Variants in SPATA16 observed in about 807,000 individuals in gnomAD.
SPATA16 encodes spermatogenesis-associated protein 16.
Under a neutral mutation model 63.3 loss-of-function variants are expected in SPATA16, and 36 were observed. The ratio of observed to expected loss-of-function variants is 0.57; its 90% confidence interval spans 0.44 to 0.75. The LOEUF (loss-of-function observed/expected upper bound fraction) is 0.75, where lower values mean the gene tolerates loss of function less well. Ranked by LOEUF, SPATA16 falls within the 30% of genes least tolerant of loss-of-function variation. The pLI is 0.00. For synonymous variants in SPATA16, 203 were observed against 216.7 expected (o/e 0.94, Z 0.56); for missense variants, 646 against 679.3 (o/e 0.95, Z 0.54).
chr3:173,028,013 C>CCTTCTTT (rs1735498225), intron 3 of SPATA16, among the ~76,000 whole-genome samples: 52 of 35,056 alleles, frequency 1.5e-3, no homozygotes, highest in African/African-American at 9.7e-3. Flanking sequence ...CTCCCTCCCT[C>CCTTCTTT]CCTTCCTTCT....
At chr3:172,958,989 G>A (rs9852563) in intron 5 of SPATA16, among the ~76,000 whole-genome samples, 85,785 of 151,856 alleles carry the variant, frequency 0.56, 24,425 homozygotes, top group Admixed American at 0.58. Context: ...TTTTGGAGAG[G>A]TACAGTTCAG....
intron 6 of SPATA16, among the ~76,000 whole-genome samples, chr3:172,945,269 A>C (rs777529856): frequency 3.7e-4 from 56 of 152,162 alleles, no homozygotes; most frequent in Non-Finnish European, 1.2e-4. Flanking sequence ...AAGACAACTA[A>C]TATTCCTTGA....
intron 10 of SPATA16, among the ~76,000 whole-genome samples, chr3:172,906,945 G>A (rs1205193406): frequency 2.0e-5 from 3 of 152,042 alleles, no homozygotes; most frequent in South Asian, 2.1e-4. Flanking sequence ...GGGTTTCACC[G>A]TGTTAGCCAG....
chr3:172,902,231 G>T (rs1339536474), intron 10 of SPATA16, among the ~76,000 whole-genome samples: 1 of 152,056 alleles, frequency 6.6e-6, no homozygotes, highest in Non-Finnish European at 1.5e-5. Flanking sequence ...GTAGAGATGG[G>T]GTTTCACTCT....
chr3:173,029,608 G>A (rs921010365), intron 3 of SPATA16, among the ~76,000 whole-genome samples: 9 of 151,816 alleles, frequency 5.9e-5, no homozygotes, highest in African/African-American at 1.9e-4. Context: ...TTGCTCTAGG[G>A]GGAAACAGTA....
chr3:173,068,906 C>T (rs1329724953), intron 2 of SPATA16, among the ~76,000 whole-genome samples: 1 of 149,262 alleles, frequency 6.7e-6, no homozygotes, highest in Non-Finnish European at 1.5e-5. Context: ...GTCAGGAGAT[C>T]GAGACCATCC....
chr3:173,015,861 GGTGTGTGTGTGTGTGT>G (rs57049586), intron 4 of SPATA16, among the ~76,000 whole-genome samples: 2 of 148,748 alleles, frequency 1.3e-5, no homozygotes, highest in Admixed American at 1.3e-4. Context: ...TCCCAAATGG[GGTGTGTGTGTGTGTGT>G]GTGTGTGTGT....
chr3:172,918,456 C>G (rs999295258), intron 8 of SPATA16, among the ~76,000 whole-genome samples: 13 of 152,050 alleles, frequency 8.5e-5, no homozygotes, highest in African/African-American at 2.9e-4. Flanking sequence ...GGAAAGAATA[C>G]AGTTGACTGC....
chr3:173,071,711 A>C (rs1281215118), intron 2 of SPATA16, among the ~76,000 whole-genome samples: 1 of 152,256 alleles, frequency 6.6e-6, no homozygotes, highest in Non-Finnish European at 1.5e-5. Context: ...AAACATGCTC[A>C]ACATCACTAA....
chr3:172,998,941 A>G (rs2108264863), intron 4 of SPATA16, among the ~76,000 whole-genome samples: 1 of 152,236 alleles, frequency 6.6e-6, no homozygotes, highest in South Asian at 2.1e-4. Flanking sequence ...ATTGGATTCA[A>G]TATGCTAATA....
intron 4 of SPATA16, among the ~76,000 whole-genome samples, chr3:172,979,813 C>G (rs1479942565): frequency 6.6e-6 from 1 of 152,014 alleles, no homozygotes; most frequent in Non-Finnish European, 1.5e-5. Flanking sequence ...CCTGCCATAC[C>G]TCAGTGAAGC....
intron 3 of SPATA16, among the ~76,000 whole-genome samples, chr3:173,028,028 TTC>T (rs1560101032): frequency 9.3e-5 from 4 of 42,794 alleles, no homozygotes; most frequent in African/African-American, 3.3e-4. Context: ...CCTTCTTTCC[TTC>T]CTTCCTTCCT....
chr3:173,092,975 T>C (rs969445971), intron 2 of SPATA16, among the ~76,000 whole-genome samples: 2 of 151,940 alleles, frequency 1.3e-5, no homozygotes. Flanking sequence ...CTGTATTTCC[T>C]TTTTGTAGCA....
intron 2 of SPATA16, among the ~76,000 whole-genome samples, chr3:173,104,815 TC>T (rs1737581780): frequency 6.6e-6 from 1 of 152,184 alleles, no homozygotes; most frequent in African/African-American, 2.4e-5. Flanking sequence ...CTTGACTTAT[TC>T]CCTCTCTCTA....
At chr3:173,072,137 A>G (rs1189499897) in intron 2 of SPATA16, among the ~76,000 whole-genome samples, 1 of 152,210 alleles carries the variant, frequency 6.6e-6, no homozygotes, top group African/African-American at 2.4e-5. Flanking sequence ...TGTGCTATTC[A>G]CAGTAGCAAA....
At chr3:172,903,812 C>G (rs756710038) in intron 10 of SPATA16, among the ~76,000 whole-genome samples, 2 of 152,176 alleles carry the variant, frequency 1.3e-5, no homozygotes, top group Non-Finnish European at 2.9e-5. Flanking sequence ...GCAGCTACCA[C>G]GAAGCAGTGT....
chr3:172,997,297 G>C (rs546923379), intron 4 of SPATA16, among the ~76,000 whole-genome samples: 2 of 152,102 alleles, frequency 1.3e-5, no homozygotes, highest in African/African-American at 2.4e-5. Flanking sequence ...TTTGGATTTT[G>C]ACCATTTTAA....
intron 5 of SPATA16, among the ~76,000 whole-genome samples, chr3:172,971,151 T>G (rs1734038500): frequency 6.6e-6 from 1 of 152,196 alleles, no homozygotes; most frequent in Admixed American, 6.5e-5. Context: ...AAGACACCTC[T>G]GAGCACAGAA....
intron 4 of SPATA16, among the ~76,000 whole-genome samples, chr3:173,002,035 C>T (rs901825672): frequency 6.6e-5 from 10 of 152,120 alleles, no homozygotes; most frequent in Non-Finnish European, 1.2e-4. Flanking sequence ...ATCTGCCACA[C>T]ATTTATCTAT....
Sources: gnomAD v4.1 joint callset for allele counts (sites outside exome capture counted in the v4.1 genomes callset) on GRCh38, gnomAD v4.1.1 for gene constraint, MANE v1.5 for transcripts, NCBI Gene and HGNC (gene_info 2026-07-23, HGNC 2026-07-21) for gene names.